SUSD6: variants seen among roughly 807,000 people sequenced by gnomAD.
SUSD6 encodes the protein sushi domain containing 6, also known as sushi domain-containing protein 6.
A neutral mutation model predicts 28.4 loss-of-function variants in SUSD6; 16 were observed. That is an observed-to-expected ratio of 0.56 (90% CI 0.38 to 0.86). The LOEUF (loss-of-function observed/expected upper bound fraction) is 0.86, where lower values mean the gene tolerates loss of function less well. Among genes scored for constraint, SUSD6 ranks in the 40% least tolerant of loss-of-function variants. The pLI, the probability that SUSD6 is intolerant of heterozygous loss-of-function variation, is 0.00. For synonymous variants in SUSD6, 147 were observed against 159.6 expected, an observed-to-expected ratio of 0.92 and a Z score of 0.59; for missense variants, 341 against 384.2, an observed-to-expected ratio of 0.89 and a Z score of 0.94.
chr14:69,640,650 T>C (rs565624290), intron 1 of SUSD6, among the ~76,000 whole-genome samples: 6 of 152,312 alleles, frequency 3.9e-5, no homozygotes, highest in African/African-American at 1.4e-4. Context: ...AAAATAAATT[T>C]TATCTGAATT....
At chr14:69,637,226 C>T (rs2139600398) in intron 1 of SUSD6, among the ~76,000 whole-genome samples, 1 of 152,278 alleles carries the variant, frequency 6.6e-6, no homozygotes, top group African/African-American at 2.4e-5. Flanking sequence ...TCAGCTTAGA[C>T]TGCCGCTTGC....
intron 1 of SUSD6, among the ~76,000 whole-genome samples, chr14:69,614,313 C>T (rs1595026863): frequency 6.6e-6 from 1 of 152,188 alleles, no homozygotes; most frequent in Non-Finnish European, 1.5e-5. Flanking sequence ...GTGATCTGCC[C>T]GTCTTGGCCT....
At chr14:69,620,572 A>G (rs184886988) in intron 1 of SUSD6, among the ~76,000 whole-genome samples, 32 of 152,342 alleles carry the variant, frequency 2.1e-4, no homozygotes, top group Admixed American at 5.2e-4. Flanking sequence ...TGTGTACGGT[A>G]GACTTTCAGC....
chr14:69,658,977 G>C (rs957961055), intron 2 of SUSD6, among the ~76,000 whole-genome samples: 2 of 152,122 alleles, frequency 1.3e-5, no homozygotes, highest in African/African-American at 4.8e-5. Context: ...GGACAGAGGT[G>C]TAAGGTTCAG....
At chr14:69,667,334 G>C (rs1162077732) in intron 2 of SUSD6, among the ~76,000 whole-genome samples, 1 of 149,796 alleles carries the variant, frequency 6.7e-6, no homozygotes, top group African/African-American at 2.5e-5. Flanking sequence ...GCCCCACTAA[G>C]GCTCCTTGAT....
At chr14:69,630,674 A>C (rs971815688) in intron 1 of SUSD6, among the ~76,000 whole-genome samples, 1 of 151,732 alleles carries the variant, frequency 6.6e-6, no homozygotes, top group South Asian at 2.1e-4. Flanking sequence ...AAGAACACAC[A>C]TGGAAAAAAA....
intron 1 of SUSD6, among the ~76,000 whole-genome samples, chr14:69,640,165 G>A (rs573726396): frequency 6.3e-4 from 96 of 151,404 alleles, no homozygotes; most frequent in African/African-American, 2.2e-3. Flanking sequence ...GACCCAGGCT[G>A]GACTCTGAAG....
intron 2 of SUSD6, among the ~76,000 whole-genome samples, chr14:69,680,289 T>G (rs182867753): frequency 1.3e-5 from 2 of 152,146 alleles, no homozygotes; most frequent in East Asian, 3.8e-4. Flanking sequence ...CTGGTTGTGT[T>G]TGTGCTGGAG....
rs1378561543 is a variant in SUSD6 at position 69,612,376 on chromosome 14, C to T, written c.-81+548C>T. ...CCGCGCCTCGGCTGCTCTTTAATCT[C>T]AAAAACTTCTCTTATTAACCAGGCT... is the stretch of plus-strand genomic sequence containing the variant. On this transcript the variant is annotated intron_variant, in intron 1 of 5. Coordinates refer to ENST00000342745, the MANE Select transcript of SUSD6 (RefSeq NM_014734.4). 1.2e-4 allele frequency among the ~76,000 whole-genome samples: 18 copies of T among 152,204 alleles called. 1 individual carries two copies. The highest frequency in any genetic ancestry group is 1.2e-3 in the Admixed American group (18 of 15,282).
chr14:69,659,966 C>T (rs150699482), intron 2 of SUSD6, among the ~76,000 whole-genome samples: 1,995 of 152,314 alleles, frequency 0.013, 26 homozygotes, highest in Non-Finnish European at 0.019. Flanking sequence ...TGGTGTGCCA[C>T]AACCTACCTC....
At chr14:69,630,314 G>C (rs989427893) in intron 1 of SUSD6, among the ~76,000 whole-genome samples, 1 of 152,150 alleles carries the variant, frequency 6.6e-6, no homozygotes, top group Admixed American at 6.5e-5. Flanking sequence ...GAGTAGAGGT[G>C]GTCTCTCTCC....
chr14:69,646,322 A>G (rs942469688), intron 1 of SUSD6, among the ~76,000 whole-genome samples: 4 of 152,078 alleles, frequency 2.6e-5, no homozygotes, highest in Non-Finnish European at 4.4e-5. Context: ...TATGCCCATT[A>G]TAAGTTAGCA....
chr14:69,686,695 T>G (rs962251826), intron 2 of SUSD6, among the ~76,000 whole-genome samples: 1 of 152,144 alleles, frequency 6.6e-6, no homozygotes, highest in African/African-American at 2.4e-5. Flanking sequence ...AAATTCTCGT[T>G]TTTTAAAACC....
chr14:69,618,323 C>T (rs1363673588), intron 1 of SUSD6, among the ~76,000 whole-genome samples: 1 of 152,152 alleles, frequency 6.6e-6, no homozygotes, highest in Non-Finnish European at 1.5e-5. Flanking sequence ...CCCTGAGATA[C>T]CTGATTATGT....
At chr14:69,685,411 A>T (rs1886058877) in intron 2 of SUSD6, among the ~76,000 whole-genome samples, 1 of 152,206 alleles carries the variant, frequency 6.6e-6, no homozygotes, top group East Asian at 1.9e-4. Context: ...TGCACATTTG[A>T]CAAGTCTTTT....
At chr14:69,666,243 A>C (rs115774762) in intron 2 of SUSD6, among the ~76,000 whole-genome samples, 436 of 152,322 alleles carry the variant, frequency 2.9e-3, no homozygotes, top group African/African-American at 0.01. Context: ...AGTAGCAAAG[A>C]GTGGTAAATG....
At chr14:69,695,109 AT>A (rs1886206376) in intron 2 of SUSD6, among the ~76,000 whole-genome samples, 1 of 151,950 alleles carries the variant, frequency 6.6e-6, no homozygotes, top group South Asian at 2.1e-4. Context: ...TGCTAGGAAG[AT>A]TTGTCTCATA....
At chr14:69,702,273 A>G (rs1220442074) in intron 2 of SUSD6, among the ~76,000 whole-genome samples, 1 of 152,192 alleles carries the variant, frequency 6.6e-6, no homozygotes, top group Non-Finnish European at 1.5e-5. Context: ...TGGCCATTCT[A>G]CCTCAGCCCA....
At chr14:69,651,976 G>T (rs144862695) in intron 1 of SUSD6, among the ~76,000 whole-genome samples, 1 of 152,192 alleles carries the variant, frequency 6.6e-6, no homozygotes, top group African/African-American at 2.4e-5. Context: ...TTCTGGAACT[G>T]TTCTTTGTCC....
Sources: gnomAD v4.1 joint callset for allele counts (sites outside exome capture counted in the v4.1 genomes callset) on GRCh38, gnomAD v4.1.1 for gene constraint, MANE v1.5 for transcripts, NCBI Gene and HGNC (gene_info 2026-07-23, HGNC 2026-07-21) for gene names.